The following SACS variants were observed in gnomAD, a reference collection of about 807,000 sequenced individuals.
The protein encoded by SACS is sacsin.
In SACS, 197 loss-of-function variants were observed where a neutral mutation model predicts 348.0. The ratio of observed to expected loss-of-function variants is 0.57; its 90% confidence interval spans 0.50 to 0.64. SACS has a LOEUF of 0.64. Ranked by LOEUF, SACS falls within the 30% of genes least tolerant of loss-of-function variation. SACS has a pLI of 0.00. For missense variants in SACS, 4,999 were observed against 5,360.8 expected, an observed-to-expected ratio of 0.93 and a Z score of 2.11; for synonymous variants, 1,985 against 1,910.6, an observed-to-expected ratio of 1.04 and a Z score of -1.02.
intron 2 of SACS, among the ~76,000 whole-genome samples, chr13:23,406,767 T>A (rs905589709): frequency 6.6e-6 from 1 of 152,202 alleles, no homozygotes; most frequent in Non-Finnish European, 1.5e-5. Flanking sequence ...TTTTTTGCAT[T>A]TATGTAAATA....
chr13:23,371,100 T>C lies in SACS; in HGVS notation c.237A>G (p.Gln79=), dbSNP rs770124693. 3 of 1,607,572 alleles carry C rather than the reference T, an allele frequency of 1.9e-6. No individual in the cohort carries two copies. Among genetic ancestry groups the C allele is most frequent in the South Asian group, 2.2e-5 (2 of 90,870 alleles). ...TACCTCCCCCTTTTAAGCCTTTTGA[T>C]TGAAGGTTTACAAAAAGATGACAAT... The part of the protein sequence containing the change: ...SKNCHLFVNL[Q]SKGLKGGGRF... Residue 79 remains glutamine, a synonymous_variant, in exon 4 of 10, where the codon CAA becomes CAG. Coordinates refer to ENST00000382292, the MANE Select transcript of SACS (RefSeq NM_014363.6).
intron 2 of SACS, among the ~76,000 whole-genome samples, chr13:23,402,490 C>T (rs1446702641): frequency 2.0e-5 from 3 of 152,168 alleles, no homozygotes; most frequent in African/African-American, 2.4e-5. Flanking sequence ...TTCAGAAACT[C>T]ATCTTCATAG....
intron 3 of SACS, among the ~76,000 whole-genome samples, chr13:23,374,275 A>G (rs1871601723): frequency 6.6e-6 from 1 of 152,232 alleles, no homozygotes; most frequent in Non-Finnish European, 1.5e-5. Context: ...AGTACACAGA[A>G]GGTCAGGATT....
chr13:23,367,863 G>T (rs1030622482), intron 5 of SACS, among the ~76,000 whole-genome samples: 1 of 152,104 alleles, frequency 6.6e-6, no homozygotes, highest in Non-Finnish European at 1.5e-5. Flanking sequence ...CAAAGTGCTG[G>T]GATTACAGGC....
Position 23,341,479 on chromosome 13 carries a change from C to T in SACS, c.2397G>A (p.Glu799=), listed in dbSNP as rs1869216756. The change falls in exon 10 of 10, where the codon GAG becomes GAA. Residue 799 remains glutamate, a synonymous_variant. Transcript: ENST00000382292. ...HFSEDLTLFD[E]MPLIPRTILE... is the part of the protein sequence containing the mutation. ...GTATAGTTCTGGGGATAAGTGGCAT[C>T]TCATCAAATAAAGTCAAATCCTCTG... 2.5e-6 allele frequency: 4 copies of T among 1,613,972 alleles called. No homozygotes were observed. Among genetic ancestry groups the T allele is most frequent in the Non-Finnish European group, 3.4e-6 (4 of 1,179,964 alleles).
At chr13:23,352,758 C>T (rs9552934) in intron 9 of SACS, among the ~76,000 whole-genome samples, 30,517 of 152,144 alleles carry the variant, frequency 0.2, 3,593 homozygotes, top group South Asian at 0.31. Context: ...ATGAGTAACT[C>T]AGACGTTTGA....
At chr13:23,395,702 T>C (rs1160248897) in intron 2 of SACS, among the ~76,000 whole-genome samples, 1 of 152,134 alleles carries the variant, frequency 6.6e-6, no homozygotes, top group Non-Finnish European at 1.5e-5. Flanking sequence ...TCCATAAATA[T>C]TGGTGGAAAG....
At chr13:23,361,914 T>C (rs1870760934) in intron 6 of SACS, among the ~76,000 whole-genome samples, 1 of 152,164 alleles carries the variant, frequency 6.6e-6, no homozygotes, top group Non-Finnish European at 1.5e-5. Flanking sequence ...AAGAAAGAGA[T>C]GACCCAGCCA....
intron 9 of SACS, among the ~76,000 whole-genome samples, chr13:23,349,155 G>C (rs915529439): frequency 2.6e-5 from 4 of 152,212 alleles, no homozygotes; most frequent in Non-Finnish European, 5.9e-5. Flanking sequence ...AAGCGCTGTA[G>C]ACAGGGACAT....
At chr13:23,432,641 C>T (rs1052676848) in intron 1 of SACS, among the ~76,000 whole-genome samples, 1 of 152,104 alleles carries the variant, frequency 6.6e-6, no homozygotes, top group African/African-American at 2.4e-5. Context: ...TGTCATGTGA[C>T]AAATAAAATG....
In SACS at chr13:23,332,218, C is replaced by A; in HGVS notation, c.11658G>T (p.Arg3886Ser). The change falls in exon 10 of 10, where the codon AGG becomes AGT. Residue 3886 changes from arginine (R) to serine (S), a missense_variant. Physicochemically the swap from Arg to Ser is moderately radical, Grantham distance 110 (BLOSUM62 -1). Transcript: ENST00000382292. Reference protein sequence around the residue: ...TVKRVVSGLFRSLQNDSVKVR... With the variant: ...TVKRVVSGLFSSLQNDSVKVR... Reference sequence around the variant, plus strand: ...CCTTGACTGAATCATTCTGTAGACTCCTGAACAGACCAGAAACTACTCTCT... The same window carrying A: ...CCTTGACTGAATCATTCTGTAGACTACTGAACAGACCAGAAACTACTCTCT... 2 of 1,613,970 alleles carry A rather than the reference C, an allele frequency of 1.2e-6. No homozygotes were observed. The highest frequency in any genetic ancestry group is 8.5e-7 in the Non-Finnish European group (1 of 1,179,954).
chr13:23,418,455 T>A (rs2137984656), intron 1 of SACS, among the ~76,000 whole-genome samples: 1 of 152,352 alleles, frequency 6.6e-6, no homozygotes, highest in Middle Eastern at 3.4e-3. Context: ...GTTTCCCTTG[T>A]ATATAAATTC....
chr13:23,400,078 C>G (rs1872898390), intron 2 of SACS, among the ~76,000 whole-genome samples: 1 of 151,924 alleles, frequency 6.6e-6, no homozygotes, highest in South Asian at 2.1e-4. Context: ...TTCTTTAACT[C>G]TTACAATTAT....
At chr13:23,394,931 G>C (rs1872654290) in intron 2 of SACS, among the ~76,000 whole-genome samples, 2 of 152,168 alleles carry the variant, frequency 1.3e-5, no homozygotes, top group South Asian at 4.1e-4. Context: ...CTCATACCCA[G>C]ACACACACCT....
chr13:23,432,043 G>A (rs1031166785), intron 1 of SACS, among the ~76,000 whole-genome samples: 1 of 152,178 alleles, frequency 6.6e-6, no homozygotes, highest in African/African-American at 2.4e-5. Context: ...GTGAATAATT[G>A]TGTCATCTCT....
Position 23,338,133 on chromosome 13 carries a change from G to A in SACS, c.5743C>T (p.His1915Tyr). The A allele has an allele frequency of 3.1e-6, 5 of 1,614,080 alleles. No homozygotes were observed. The highest frequency in any genetic ancestry group is 4.2e-6 in the Non-Finnish European group (5 of 1,179,966). The change falls in exon 10 of 10, where the codon CAT becomes TAT. Residue 1915 changes from histidine to tyrosine, a missense_variant. Coordinates refer to ENST00000382292, the MANE Select transcript of SACS (RefSeq NM_014363.6). ...TGTAAGTAAGCTTTCACAATAACAT[G>A]TCTCATGAACGTGGTATTCCATCGT... Reference protein sequence around the residue: ...KGRWNTTFMRHVIVKAYLQVL... With the variant: ...KGRWNTTFMRYVIVKAYLQVL...
chr13:23,337,165 T>C lies in SACS; in HGVS notation c.6711A>G (p.Glu2237=). 1 of 1,613,984 alleles carries C rather than the reference T, an allele frequency of 6.2e-7. No homozygotes were observed. The highest frequency in any genetic ancestry group is 1.1e-5 in the South Asian group (1 of 91,072). Reference sequence around the variant, plus strand: ...AAAGGTCAGTTGCTGCAAACATGGTTTCAGGCTTAAAACTGTTGCCTTTCC... The same window carrying C: ...AAAGGTCAGTTGCTGCAAACATGGTCTCAGGCTTAAAACTGTTGCCTTTCC... ...LDWKGNSFKP[E]TMFAATDLYT... The change falls in exon 10 of 10, where the codon GAA becomes GAG. Residue 2237 remains glutamate (E), a synonymous_variant. Transcript: ENST00000382292.
At chr13:23,403,231 C>T (rs1174180036) in intron 2 of SACS, among the ~76,000 whole-genome samples, 1 of 151,752 alleles carries the variant, frequency 6.6e-6, no homozygotes, top group South Asian at 2.1e-4. Flanking sequence ...CTTCAAAAAA[C>T]TCACGTCTCT....
intron 2 of SACS, among the ~76,000 whole-genome samples, chr13:23,404,243 A>C (rs1218305291): frequency 6.6e-6 from 1 of 152,164 alleles, no homozygotes; most frequent in Non-Finnish European, 1.5e-5. Flanking sequence ...AGTTCCGTAG[A>C]TGTTGGATGC....
Sources: allele counts gnomAD v4.1 joint callset (sites outside exome capture counted in the v4.1 genomes callset), GRCh38; gene constraint gnomAD v4.1.1; transcripts MANE v1.5; gene names NCBI Gene and HGNC (gene_info 2026-07-23, HGNC 2026-07-21).